Variants in GRID2 observed in about 807,000 individuals in gnomAD.
GRID2 encodes the protein glutamate ionotropic receptor delta type subunit 2, also known as glutamate receptor ionotropic, delta-2.
In GRID2, 33 loss-of-function variants were observed where a neutral mutation model predicts 114.8. The ratio of observed to expected loss-of-function variants is 0.29; its 90% CI spans 0.22 to 0.38. The LOEUF (loss-of-function observed/expected upper bound fraction) is 0.38. Among genes scored for constraint, GRID2 ranks in the 10% least tolerant of loss-of-function variants. GRID2 has a pLI of 1.00. For missense variants in GRID2, 1,184 were observed against 1,257.7 expected, an observed-to-expected ratio of 0.94 and a Z score of 0.89; for synonymous variants, 505 against 449.9, an observed-to-expected ratio of 1.12 and a Z score of -1.55.
chr4:93,630,618 A>C (rs557454721), intron 14 of GRID2, among the ~76,000 whole-genome samples: 2 of 152,336 alleles, frequency 1.3e-5, no homozygotes, highest in Non-Finnish European at 1.5e-5. Context: ...AAGTCACAAA[A>C]ACAATTACGT....
At chr4:93,259,908 G>A (rs980555661) in intron 8 of GRID2, among the ~76,000 whole-genome samples, 3 of 151,678 alleles carry the variant, frequency 2.0e-5, no homozygotes, top group Non-Finnish European at 4.4e-5. Context: ...TATTAGTAAA[G>A]CACACTTAAA....
intron 4 of GRID2, among the ~76,000 whole-genome samples, chr4:93,176,951 GT>G (rs1739398984): frequency 6.6e-6 from 1 of 152,128 alleles, no homozygotes; most frequent in African/African-American, 2.4e-5. Flanking sequence ...CCTAAATTAT[GT>G]TGACTTCGTT....
intron 9 of GRID2, among the ~76,000 whole-genome samples, chr4:93,411,578 G>C (rs565637118): frequency 2.0e-4 from 30 of 151,992 alleles, no homozygotes; most frequent in African/African-American, 6.8e-4. Context: ...GGGACTACAG[G>C]TGCATGCCAC....
intron 8 of GRID2, among the ~76,000 whole-genome samples, chr4:93,338,424 G>A (rs180832082): frequency 5.2e-4 from 79 of 152,252 alleles, no homozygotes; most frequent in African/African-American, 1.8e-3. Context: ...ACGTGCAGTA[G>A]CATTCCATTG....
chr4:93,728,606 A>G (rs1430120432), intron 14 of GRID2, among the ~76,000 whole-genome samples: 1 of 151,974 alleles, frequency 6.6e-6, no homozygotes, highest in Non-Finnish European at 1.5e-5. Context: ...TCCCATTATT[A>G]TTGTGTTGGA....
At chr4:93,473,782 C>A (rs1277844987) in intron 11 of GRID2, among the ~76,000 whole-genome samples, 5 of 152,064 alleles carry the variant, frequency 3.3e-5, no homozygotes, top group Non-Finnish European at 7.4e-5. Context: ...CCCGAGATGT[C>A]TATTTTTTGA....
chr4:92,574,877 G>C (rs1038341847), intron 1 of GRID2, among the ~76,000 whole-genome samples: 17 of 152,084 alleles, frequency 1.1e-4, no homozygotes, highest in Admixed American at 2.0e-4. Context: ...TTTCTTGCTA[G>C]GTTGGGGAAG....
At chr4:93,711,445 A>G (rs1429451745) in intron 14 of GRID2, among the ~76,000 whole-genome samples, 1 of 152,222 alleles carries the variant, frequency 6.6e-6, no homozygotes, top group East Asian at 1.9e-4. Flanking sequence ...GCTGGTATCC[A>G]AGTTGCAAGA....
intron 2 of GRID2, among the ~76,000 whole-genome samples, chr4:92,843,606 C>T (rs969789187): frequency 2.0e-5 from 3 of 152,054 alleles, no homozygotes; most frequent in African/African-American, 7.2e-5. Context: ...CTGCTTTACC[C>T]TTATACAAAT....
At chr4:92,669,469 G>A (rs1016479696) in intron 2 of GRID2, among the ~76,000 whole-genome samples, 5 of 151,968 alleles carry the variant, frequency 3.3e-5, no homozygotes, top group Non-Finnish European at 7.4e-5. Flanking sequence ...AAAGGAACTT[G>A]CTGATAAAAA....
intron 2 of GRID2, among the ~76,000 whole-genome samples, chr4:92,879,536 A>T (rs984798184): frequency 2.0e-5 from 3 of 152,202 alleles, no homozygotes; most frequent in African/African-American, 7.2e-5. Flanking sequence ...TTTGTTCTGG[A>T]AGTGTTATCT....
At chr4:92,491,709 G>C (rs1490714492) in intron 1 of GRID2, among the ~76,000 whole-genome samples, 2 of 151,830 alleles carry the variant, frequency 1.3e-5, no homozygotes, top group African/African-American at 4.8e-5. Context: ...GTGTGTACAT[G>C]ATGTCAACAG....
intron 2 of GRID2, among the ~76,000 whole-genome samples, chr4:92,665,762 A>C (rs1732741032): frequency 6.6e-6 from 1 of 150,898 alleles, no homozygotes; most frequent in Non-Finnish European, 1.5e-5. Flanking sequence ...TGCCTTCTAG[A>C]CTGCAGTTTC....
chr4:92,842,605 T>C lies in GRID2; in HGVS notation c.245-242390T>C, dbSNP rs115125704. On this transcript the variant is annotated intron_variant, in intron 2 of 15. Coordinates refer to ENST00000282020, the MANE Select transcript of GRID2 (RefSeq NM_001510.4). ...AAAGTGTACATCTCCTTTTAGATAG[T>C]AGGCAGCTTGGCAGGTGCTGAGAAA... 3.9e-3 allele frequency among the ~76,000 whole-genome samples: 590 copies of C among 152,230 alleles called. 2 individuals are homozygous for C. Among genetic ancestry groups the C allele is most frequent in the African/African-American group, 0.014 (562 of 41,564 alleles).
chr4:93,518,064 A>G (rs1298892074), intron 13 of GRID2, among the ~76,000 whole-genome samples: 3 of 125,164 alleles, frequency 2.4e-5, no homozygotes, highest in African/African-American at 1.1e-4. Context: ...ATATGTATAT[A>G]GTATATACAT....
intron 12 of GRID2, among the ~76,000 whole-genome samples, chr4:93,492,900 CA>C (rs1276853371): frequency 6.6e-6 from 1 of 151,782 alleles, no homozygotes. Flanking sequence ...GACATCTCCA[CA>C]TTTTCCCTAT....
At chr4:93,748,179 A>G (rs1732011536) in intron 14 of GRID2, among the ~76,000 whole-genome samples, 1 of 152,186 alleles carries the variant, frequency 6.6e-6, no homozygotes, top group Non-Finnish European at 1.5e-5. Flanking sequence ...TTGGAAGTCT[A>G]ACAAAGTTGA....
intron 14 of GRID2, among the ~76,000 whole-genome samples, chr4:93,712,256 T>G (rs970407260): frequency 2.0e-5 from 3 of 152,162 alleles, no homozygotes; most frequent in Non-Finnish European, 4.4e-5. Flanking sequence ...CTTATTTCTG[T>G]TCTTTTTCAC....
chr4:92,972,069 C>T (rs1447272998), intron 2 of GRID2, among the ~76,000 whole-genome samples: 1 of 152,030 alleles, frequency 6.6e-6, no homozygotes, highest in Non-Finnish European at 1.5e-5. Flanking sequence ...AGTGGAGTTA[C>T]TGGACTGTAG....
Sources: allele counts gnomAD v4.1 joint callset (sites outside exome capture counted in the v4.1 genomes callset), GRCh38; gene constraint gnomAD v4.1.1; transcripts MANE v1.5; gene names NCBI Gene and HGNC (gene_info 2026-07-23, HGNC 2026-07-21).